SGCZ: variants seen among roughly 807,000 people sequenced by gnomAD.
The protein encoded by SGCZ is zeta-sarcoglycan.
SGCZ carries 40 observed loss-of-function variants against 41.3 expected under a neutral mutation model. The ratio of observed to expected loss-of-function variants is 0.97; its 90% CI spans 0.75 to 1.26. The LOEUF (loss-of-function observed/expected upper bound fraction) is 1.26, where lower values mean the gene tolerates loss of function less well. Ranked by LOEUF, SGCZ falls within the 50% of genes most tolerant of loss-of-function variation. The pLI, the probability that SGCZ is intolerant of heterozygous loss-of-function variation, is 0.00. For synonymous variants in SGCZ, 206 were observed against 137.5 expected (o/e 1.50, Z -3.49); for missense variants, 552 against 369.8 (o/e 1.49, Z -4.04).
At chr8:14,852,893 G>A (rs77072101) in intron 1 of SGCZ, among the ~76,000 whole-genome samples, 1,747 of 152,212 alleles carry the variant, frequency 0.011, 27 homozygotes, top group African/African-American at 0.04. Context: ...CTCCTGAAGC[G>A]TTAGCTCCTA....
At chr8:15,184,709 C>T (rs774773264) in intron 1 of SGCZ, among the ~76,000 whole-genome samples, 2 of 152,088 alleles carry the variant, frequency 1.3e-5, no homozygotes, top group African/African-American at 2.4e-5. Flanking sequence ...GCGGAAGCCA[C>T]GGGTCGAGTC....
intron 5 of SGCZ, among the ~76,000 whole-genome samples, chr8:14,142,275 C>A (rs895834515): frequency 6.6e-6 from 1 of 151,942 alleles, no homozygotes; most frequent in African/African-American, 2.4e-5. Flanking sequence ...ATGTAGCATA[C>A]CTGCCCATTG....
chr8:14,109,659 G>A (rs996477184), intron 5 of SGCZ, among the ~76,000 whole-genome samples: 1 of 152,138 alleles, frequency 6.6e-6, no homozygotes, highest in African/African-American at 2.4e-5. Flanking sequence ...TTGCCACTAG[G>A]AAATTAAAGC....
chr8:15,086,687 T>A (rs183356536), intron 1 of SGCZ, among the ~76,000 whole-genome samples: 3,168 of 152,252 alleles, frequency 0.021, 38 homozygotes, highest in Non-Finnish European at 0.024. Flanking sequence ...TGCTTTTTTT[T>A]AAAAATTACA....
At chr8:14,551,592 ATATATT>A (rs1803862965) in intron 2 of SGCZ, among the ~76,000 whole-genome samples, 1 of 46,134 alleles carries the variant, frequency 2.2e-5, no homozygotes, top group East Asian at 8.4e-4. Context: ...TATATATAAT[ATATATT>A]ATATATATTA....
chr8:15,025,302 T>G (rs1803414530), intron 1 of SGCZ, among the ~76,000 whole-genome samples: 1 of 152,176 alleles, frequency 6.6e-6, no homozygotes, highest in Non-Finnish European at 1.5e-5. Flanking sequence ...GTATTTTTTT[T>G]CTAATTGAGA....
Position 14,857,549 on chromosome 8 carries a change from A to C in SGCZ, c.40-302623T>G, listed in dbSNP as rs1055149755. Among the ~76,000 whole-genome samples, 28 of 152,172 alleles carry C rather than the reference A, an allele frequency of 1.8e-4. 1 individual carries two copies. Among genetic ancestry groups the C allele is most frequent in the Non-Finnish European group, 8.8e-5 (6 of 68,038 alleles). On this transcript the variant is annotated intron_variant, in intron 1 of 7. Transcript: ENST00000382080. ...GTTAAGCTTTAAGAACCTCAGAATC[A>C]CCTAAAATGTGTTTTAAAAAGGTGC...
intron 1 of SGCZ, among the ~76,000 whole-genome samples, chr8:14,600,348 G>C (rs1418532022): frequency 2.6e-5 from 4 of 152,146 alleles, no homozygotes; most frequent in Non-Finnish European, 4.4e-5. Flanking sequence ...TAAATCTCCA[G>C]ATATTCCTCT....
intron 1 of SGCZ, among the ~76,000 whole-genome samples, chr8:14,934,582 A>C (rs1372785224): frequency 2.0e-5 from 3 of 151,928 alleles, no homozygotes; most frequent in Non-Finnish European, 4.4e-5. Flanking sequence ...ATAGAGAAAT[A>C]TGAAATAAGG....
intron 1 of SGCZ, among the ~76,000 whole-genome samples, chr8:15,225,951 C>T (rs1054218209): frequency 3.3e-5 from 5 of 152,032 alleles, no homozygotes; most frequent in South Asian, 2.1e-4. Context: ...TGCACATCTA[C>T]ATTGCCTTAC....
At chr8:14,801,032 A>C (rs1045620270) in intron 1 of SGCZ, among the ~76,000 whole-genome samples, 1 of 152,220 alleles carries the variant, frequency 6.6e-6, no homozygotes, top group African/African-American at 2.4e-5. Context: ...TATAATTTCA[A>C]TTATGAGTGT....
chr8:15,230,210 G>A (rs1456529000), intron 1 of SGCZ, among the ~76,000 whole-genome samples: 1 of 150,454 alleles, frequency 6.6e-6, no homozygotes, highest in African/African-American at 2.4e-5. Flanking sequence ...AAACTGTAAT[G>A]TGAACCACTA....
At chr8:14,790,394 A>G (rs1420815018) in intron 1 of SGCZ, among the ~76,000 whole-genome samples, 1 of 152,192 alleles carries the variant, frequency 6.6e-6, no homozygotes, top group Non-Finnish European at 1.5e-5. Flanking sequence ...ATTCTCACAT[A>G]TGACTGATGC....
intron 2 of SGCZ, among the ~76,000 whole-genome samples, chr8:14,537,847 C>A (rs981352384): frequency 6.6e-6 from 1 of 151,844 alleles, no homozygotes; most frequent in Non-Finnish European, 1.5e-5. Flanking sequence ...AGTGTGAATT[C>A]CATATCCTTA....
At chr8:15,135,936 A>G (rs577097662) in intron 1 of SGCZ, among the ~76,000 whole-genome samples, 24 of 152,288 alleles carry the variant, frequency 1.6e-4, no homozygotes, top group African/African-American at 5.3e-4. Flanking sequence ...CCTACTTTTA[A>G]TTATATGCAA....
At chr8:15,004,534 C>A (rs1233365734) in intron 1 of SGCZ, among the ~76,000 whole-genome samples, 1 of 152,118 alleles carries the variant, frequency 6.6e-6, no homozygotes, top group Non-Finnish European at 1.5e-5. Flanking sequence ...CATAAAAACC[C>A]AATGCAGAAC....
At chr8:14,667,323 A>C (rs375169871) in intron 1 of SGCZ, among the ~76,000 whole-genome samples, 95 of 152,264 alleles carry the variant, frequency 6.2e-4, no homozygotes, top group Middle Eastern at 3.4e-3. Context: ...CGGATGAATA[A>C]ATTGAACTCA....
At chr8:14,796,291 T>C (rs1801126735) in intron 1 of SGCZ, among the ~76,000 whole-genome samples, 1 of 152,194 alleles carries the variant, frequency 6.6e-6, no homozygotes, top group Non-Finnish European at 1.5e-5. Flanking sequence ...GCTGTTTTAC[T>C]TTTTATTTTA....
At chr8:14,769,810 AAAAAAC>A (rs1242951462) in intron 1 of SGCZ, among the ~76,000 whole-genome samples, 5 of 149,912 alleles carry the variant, frequency 3.3e-5, no homozygotes, top group East Asian at 2.0e-4. Flanking sequence ...AAAAAAAAAA[AAAAAAC>A]CCAGCAACAA....
Sources: allele counts gnomAD v4.1 joint callset (sites outside exome capture counted in the v4.1 genomes callset), GRCh38; gene constraint gnomAD v4.1.1; transcripts MANE v1.5; gene names NCBI Gene and HGNC (gene_info 2026-07-23, HGNC 2026-07-21).